Variants in FSD1L observed in about 807,000 individuals in gnomAD.
FSD1L encodes the protein FSD1-like protein.
A neutral mutation model predicts 71.6 loss-of-function variants in FSD1L; 45 were observed. That is an observed-to-expected ratio of 0.63 (90% CI 0.49 to 0.81). The LOEUF (loss-of-function observed/expected upper bound fraction) is 0.81, where lower values mean the gene tolerates loss of function less well. FSD1L is among the 30% of genes least tolerant of loss of function. The pLI is 0.00. For missense variants in FSD1L, 561 were observed against 618.1 expected, an observed-to-expected ratio of 0.91 and a Z score of 0.98; for synonymous variants, 197 against 207.2, an observed-to-expected ratio of 0.95 and a Z score of 0.42.
At chr9:105,459,139 T>C (rs1248093522) in intron 1 of FSD1L, among the ~76,000 whole-genome samples, 1 of 152,218 alleles carries the variant, frequency 6.6e-6, no homozygotes, top group African/African-American at 2.4e-5. Flanking sequence ...TATATACACC[T>C]TTTACTTGAC....
intron 7 of FSD1L, among the ~76,000 whole-genome samples, chr9:105,498,427 T>A (rs1268164370): frequency 3.3e-5 from 5 of 152,096 alleles, no homozygotes; most frequent in African/African-American, 9.7e-5. Context: ...TATAGCAGAT[T>A]GTTCCTAGGC....
At chr9:105,482,854 G>A (rs1004562725) in intron 6 of FSD1L, among the ~76,000 whole-genome samples, 4 of 151,976 alleles carry the variant, frequency 2.6e-5, no homozygotes, top group Non-Finnish European at 4.4e-5. Flanking sequence ...AATACTTTCG[G>A]ATTTTTTTTC....
upstream of FSD1L, among the ~76,000 whole-genome samples, chr9:105,442,808 A>AC (rs1200354493): frequency 6.6e-6 from 1 of 152,238 alleles, no homozygotes; most frequent in Non-Finnish European, 1.5e-5. Flanking sequence ...TGGGGATCTC[A>AC]CTACCAAACA....
chr9:105,522,528 G>A (rs1835240525), intron 10 of FSD1L: 2 of 1,613,734 alleles, frequency 1.2e-6, no homozygotes, highest in Non-Finnish European at 1.7e-6. Flanking sequence ...CGATATTGAT[G>A]ATGCTCAAAT....
rs1219969062 is a variant in FSD1L, at chr9:105,547,082, T to C, written c.*599T>C. 6.6e-6 allele frequency: 1 copy of C among 152,288 alleles called. No homozygotes were observed. The highest frequency in any genetic ancestry group is 1.5e-5 in the Non-Finnish European group (1 of 67,960). The allele number at this position is 152,288 out of a possible 1,614,324, so 9.4% of individuals were successfully genotyped here. A position where few individuals can be genotyped will look rare whatever the true frequency, so the allele number is the denominator to read the frequency against. On this transcript the variant is annotated 3_prime_UTR_variant, in exon 14 of 14. Transcript: ENST00000481272. ...TAATTTTCTTTTTTCCAAAATATTG[T>C]GATAAGAAATTTCTAGACACAACAG...
chr9:105,452,902 A>G (rs1830128034), intron 1 of FSD1L, among the ~76,000 whole-genome samples: 1 of 151,724 alleles, frequency 6.6e-6, no homozygotes, highest in Non-Finnish European at 1.5e-5. Context: ...ATACTTGGCT[A>G]ATTTTTGTGT....
chr9:105,466,260 T>C, intron 3 of FSD1L, among the ~76,000 whole-genome samples: 1 of 152,134 alleles, frequency 6.6e-6, no homozygotes, highest in East Asian at 1.9e-4. Flanking sequence ...TGGAAAAATA[T>C]CCCATGTTTG....
At chr9:105,473,536 C>G (rs964211553) in intron 5 of FSD1L, among the ~76,000 whole-genome samples, 4 of 152,086 alleles carry the variant, frequency 2.6e-5, no homozygotes, top group African/African-American at 9.7e-5. Context: ...CAGTATTTTT[C>G]TTTCTGTTTT....
At position 105,552,229 on chromosome 9, in the gene FSD1L, A is replaced by G. The variant is rs1452203022; in HGVS notation, c.*5746A>G. ...ATACTTATGATGCACTCAGTGCCAT[A>G]CAATAGTGTTTTAAGAAGCACATGG... On this transcript the variant is annotated 3_prime_UTR_variant, in exon 14 of 14. Coordinates refer to ENST00000481272, the MANE Select transcript of FSD1L (RefSeq NM_001145313.3). 1.3e-5 allele frequency: 2 copies of G among 152,244 alleles called. No homozygotes were observed. The highest frequency in any genetic ancestry group is 2.1e-4 in the South Asian group (1 of 4,836). 9.4% of individuals were successfully genotyped at this position (152,244 alleles called of 1,614,324 possible).
At chr9:105,447,234 G>T (rs1310617318), upstream of FSD1L, among the ~76,000 whole-genome samples, 3 of 137,748 alleles carry the variant, frequency 2.2e-5, no homozygotes, top group Non-Finnish European at 4.5e-5. Flanking sequence ...TGAGGCACGA[G>T]AATTCCTGGA....
intron 13 of FSD1L, among the ~76,000 whole-genome samples, chr9:105,542,157 T>C (rs1372773508): frequency 6.6e-6 from 1 of 152,200 alleles, no homozygotes; most frequent in South Asian, 2.1e-4. Flanking sequence ...TGAAAGTGTA[T>C]GTTTAACTTC....
intron 3 of FSD1L, among the ~76,000 whole-genome samples, chr9:105,464,822 A>T (rs1830949046): frequency 1.3e-5 from 2 of 151,500 alleles, no homozygotes; most frequent in Non-Finnish European, 2.9e-5. Context: ...AAAAAAAAAG[A>T]TACAAAAATT....
chr9:105,490,629 A>G (rs1473731593), intron 7 of FSD1L, among the ~76,000 whole-genome samples: 1 of 143,798 alleles, frequency 7.0e-6, no homozygotes, highest in Non-Finnish European at 1.5e-5. Context: ...TAGGGTTTTT[A>G]TGGTTTTAGG....
chr9:105,520,155 G>A, intron 10 of FSD1L: 2 of 1,609,552 alleles, frequency 1.2e-6, no homozygotes, highest in East Asian at 2.2e-5. Flanking sequence ...GCACGGGGAC[G>A]TGAAGAAGTC....
intron 1 of FSD1L, among the ~76,000 whole-genome samples, chr9:105,449,336 A>G (rs1829843579): frequency 6.6e-6 from 1 of 152,248 alleles, no homozygotes; most frequent in Admixed American, 6.5e-5. Flanking sequence ...CTTGGAATGC[A>G]TGACTATTCT....
At chr9:105,480,125 T>C (rs575785686) in intron 6 of FSD1L, among the ~76,000 whole-genome samples, 13 of 152,184 alleles carry the variant, frequency 8.5e-5, no homozygotes, top group Non-Finnish European at 2.9e-5. Context: ...AGTTTTTTCA[T>C]CTGAGGGTCA....
In FSD1L at chr9:105,484,509, A is replaced by C. The variant is rs1280990087; in HGVS notation, c.586+7A>C. On this transcript the variant is annotated splice_region_variant and intron_variant, in intron 7 of 13. Transcript: ENST00000481272. ...ACTTTGAAGTTTTTGCCAGGTAAATACATGTATTACATGTAAAGTTTTGTA... is the reference window on the plus strand; with the variant it reads ...ACTTTGAAGTTTTTGCCAGGTAAATCCATGTATTACATGTAAAGTTTTGTA... 1 of 1,473,086 alleles carries C rather than the reference A, an allele frequency of 6.8e-7. No homozygotes were observed. Among genetic ancestry groups the C allele is most frequent in the Non-Finnish European group, 9.0e-7 (1 of 1,114,844 alleles). 91.3% of individuals were successfully genotyped at this position (1,473,086 alleles called of 1,614,324 possible). A position where few individuals can be genotyped will look rare whatever the true frequency, so the allele number is the denominator to read the frequency against.
Position 105,535,283 on chromosome 9 carries a change from C to T in FSD1L, c.1343C>T (p.Pro448Leu). ...NKVKALDVTV[P>L]EKIGVFCDFD... ...GTCAAAGCTTTGGATGTTACTGTTC[C>T]TGAAAAAATAGGTGTATTTTGTGAT... is the stretch of plus-strand genomic sequence containing the variant. The change falls in exon 12 of 14, where the codon CCT becomes CTT. Residue 448 changes from proline to leucine, a missense_variant. Pro to Leu is a moderately conservative substitution (Grantham distance 98). Around this residue, in one of 3 missense-constraint regions of FSD1L, gnomAD observed 98 missense variants for 102.3 expected, o/e 0.96. Coordinates refer to ENST00000481272, the MANE Select transcript of FSD1L (RefSeq NM_001145313.3). 1 of 1,551,470 alleles carries T rather than the reference C, an allele frequency of 6.4e-7. No individual in the cohort carries two copies. Among genetic ancestry groups the T allele is most frequent in the East Asian group, 2.4e-5 (1 of 40,896 alleles).
In FSD1L at chr9:105,552,059, A is replaced by G. The variant is rs1837286523; in HGVS notation, c.*5576A>G. The G allele has an allele frequency of 1.3e-5, 2 of 152,224 alleles. No individual in the cohort carries two copies. Among genetic ancestry groups the G allele is most frequent in the Admixed American group, 6.5e-5 (1 of 15,280 alleles). The allele number at this position is 152,224 out of a possible 1,614,324, so 9.4% of individuals were successfully genotyped here. ...TCCTGACATATTTGTTTTGCTTTAA[A>G]TTGGATTAAATGGTTTACAGGTTAT... On this transcript the variant is annotated 3_prime_UTR_variant, in exon 14 of 14. Transcript: ENST00000481272.
Sources: allele counts gnomAD v4.1 joint callset (sites outside exome capture counted in the v4.1 genomes callset), GRCh38; gene constraint gnomAD v4.1.1; regional missense constraint gnomAD v4.1.1; transcripts MANE v1.5; gene names NCBI Gene and HGNC (gene_info 2026-07-23, HGNC 2026-07-21).